The following CHCHD3 variants were observed in gnomAD, a reference collection of about 807,000 sequenced individuals.
CHCHD3 encodes coiled-coil-helix-coiled-coil-helix domain containing 3.
Under a neutral mutation model 38.2 loss-of-function variants are expected in CHCHD3, and 20 were observed. The observed-to-expected ratio is 0.52, with a 90% CI of 0.37 to 0.76. The LOEUF is 0.76. CHCHD3 is among the 30% of genes least tolerant of loss of function. The pLI is 0.00. For missense variants in CHCHD3, 245 were observed against 279.2 expected (o/e 0.88, Z 0.87); for synonymous variants, 82 against 100.0 (o/e 0.82, Z 1.07).
chr7:132,911,286 G>C (rs1809942163), intron 4 of CHCHD3, among the ~76,000 whole-genome samples: 1 of 152,100 alleles, frequency 6.6e-6, no homozygotes, highest in Admixed American at 6.6e-5. Context: ...GAGATGACTG[G>C]CCACCCCCAT....
chr7:132,865,848 T>C (rs1193270082), intron 5 of CHCHD3, among the ~76,000 whole-genome samples: 1 of 152,132 alleles, frequency 6.6e-6, no homozygotes, highest in Non-Finnish European at 1.5e-5. Context: ...GCTAACAGAC[T>C]TCAGATGTGC....
Position 132,985,058 on chromosome 7 carries a change from G to A in CHCHD3, c.252-9772C>T, listed in dbSNP as rs111361787. 3.0e-4 allele frequency among the ~76,000 whole-genome samples: 21 copies of A among 70,518 alleles called. 3 individuals carry two copies. The highest frequency in any genetic ancestry group is 5.6e-4 in the African/African-American group (11 of 19,522). 46.3% of individuals were successfully genotyped at this position (70,518 alleles called of 152,430 possible). The stretch of plus-strand genomic sequence containing the variant: ...AGCCCCCCGCCCGGCCAGCCGCCCC[G>A]TCCGGAAGGGAGGTGGGGGGGTTAG... On this transcript the variant is annotated intron_variant, in intron 3 of 7. Coordinates refer to ENST00000262570, the MANE Select transcript of CHCHD3 (RefSeq NM_017812.4).
chr7:132,949,463 C>T (rs79776528), intron 4 of CHCHD3, among the ~76,000 whole-genome samples: 3,209 of 152,254 alleles, frequency 0.021, 140 homozygotes, highest in African/African-American at 0.073. Context: ...ATCACAAGTT[C>T]CATCTTCTAA....
chr7:132,952,348 G>A (rs760354522), intron 4 of CHCHD3, among the ~76,000 whole-genome samples: 7 of 152,122 alleles, frequency 4.6e-5, no homozygotes, highest in Non-Finnish European at 7.4e-5. Context: ...TTTAATGACC[G>A]GCCAGACTTG....
chr7:132,974,509 G>A (rs912750667), intron 4 of CHCHD3, among the ~76,000 whole-genome samples: 3 of 152,202 alleles, frequency 2.0e-5, no homozygotes, highest in South Asian at 4.2e-4. Flanking sequence ...GTAGTTGCCA[G>A]CCACGAGAGA....
At chr7:132,829,598 G>A (rs994429705) in intron 6 of CHCHD3, among the ~76,000 whole-genome samples, 11 of 152,116 alleles carry the variant, frequency 7.2e-5, no homozygotes, top group African/African-American at 2.7e-4. Context: ...AAGATGCTTG[G>A]TGCAACACCA....
chr7:132,842,466 A>G (rs1349266157), intron 5 of CHCHD3, among the ~76,000 whole-genome samples: 2 of 152,226 alleles, frequency 1.3e-5, no homozygotes, highest in African/African-American at 2.4e-5. Context: ...CAATGTTACA[A>G]TAGTAGTAAC....
intron 4 of CHCHD3, among the ~76,000 whole-genome samples, chr7:132,944,796 C>T (rs1023800507): frequency 5.3e-5 from 8 of 151,916 alleles, no homozygotes; most frequent in African/African-American, 1.9e-4. Context: ...TCTACTGGTG[C>T]AAATTTTTGT....
chr7:132,812,557 A>G (rs1807100239), intron 6 of CHCHD3, among the ~76,000 whole-genome samples: 1 of 152,002 alleles, frequency 6.6e-6, no homozygotes, highest in Non-Finnish European at 1.5e-5. Flanking sequence ...AGTCTGAACC[A>G]CCATAACCAC....
chr7:132,845,648 T>C (rs2117107144), intron 5 of CHCHD3, among the ~76,000 whole-genome samples: 1 of 152,322 alleles, frequency 6.6e-6, no homozygotes, highest in East Asian at 1.9e-4. Flanking sequence ...CCCAAGGCCT[T>C]GCTTTTTACT....
chr7:133,081,765 C>G, intron 1 of CHCHD3, 92 bp downstream of exon 1: 1 of 1,307,158 alleles, frequency 7.7e-7, no homozygotes, highest in Non-Finnish European at 1.1e-6. Context: ...GGGTCCAGGA[C>G]GGGAGAAACC....
Position 133,035,961 on chromosome 7 carries a change from G to A in CHCHD3, c.170-11334C>T, listed in dbSNP as rs1360536659. Reference sequence around the variant, plus strand: ...AAAGGCTGGATCCAGTCTTAAAAGTGTTATCAGGTAGGGGTCCTTAGGGGA... The same window carrying A: ...AAAGGCTGGATCCAGTCTTAAAAGTATTATCAGGTAGGGGTCCTTAGGGGA... On this transcript the variant is annotated intron_variant, in intron 2 of 7. Transcript: ENST00000262570. This position sits in a 1 kb window ranked among gnomAD's most constrained non-coding sequence, Gnocchi z 4.7. The A allele has an allele frequency of 4.3e-6, 6 of 1,400,190 alleles. No homozygotes were observed. Among genetic ancestry groups the A allele is most frequent in the Non-Finnish European group, 6.0e-6 (6 of 1,001,404 alleles). The allele number at this position is 1,400,190 out of a possible 1,614,324, so 86.7% of individuals were successfully genotyped here.
intron 2 of CHCHD3, among the ~76,000 whole-genome samples, chr7:133,046,206 G>A (rs10215041): frequency 0.38 from 57,059 of 152,082 alleles, 10,956 homozygotes; most frequent in East Asian, 0.55. Flanking sequence ...TGATGAAGTA[G>A]TTCTTAACCT....
intron 4 of CHCHD3, among the ~76,000 whole-genome samples, chr7:132,949,893 G>A (rs1487700768): frequency 2.0e-5 from 3 of 152,114 alleles, no homozygotes; most frequent in Non-Finnish European, 4.4e-5. Flanking sequence ...GACACAAAAA[G>A]TAGACACAAG....
At chr7:132,876,882 T>G (rs1027454046) in intron 5 of CHCHD3, among the ~76,000 whole-genome samples, 1 of 152,206 alleles carries the variant, frequency 6.6e-6, no homozygotes, top group Non-Finnish European at 1.5e-5. Flanking sequence ...TTGATTTTAC[T>G]GAAAGCCCTG....
chr7:132,797,208 C>T (rs749697325), intron 6 of CHCHD3, among the ~76,000 whole-genome samples: 3 of 152,218 alleles, frequency 2.0e-5, no homozygotes, highest in Non-Finnish European at 2.9e-5. Context: ...CTGCACACAG[C>T]TGAAGCCTGG....
chr7:132,803,756 A>G (rs2117039944), intron 6 of CHCHD3, among the ~76,000 whole-genome samples: 1 of 150,810 alleles, frequency 6.6e-6, no homozygotes, highest in East Asian at 2.0e-4. Context: ...GAACTAGAGG[A>G]GAAAGGGAAG....
intron 4 of CHCHD3, among the ~76,000 whole-genome samples, chr7:132,896,568 C>A (rs1809505398): frequency 6.6e-6 from 1 of 152,176 alleles, no homozygotes; most frequent in Admixed American, 6.5e-5. Context: ...ACACTCGTCA[C>A]AATCCCCAAC....
chr7:133,040,097 T>C (rs1584665443), intron 2 of CHCHD3, among the ~76,000 whole-genome samples: 2 of 152,324 alleles, frequency 1.3e-5, no homozygotes, highest in Non-Finnish European at 2.9e-5. Flanking sequence ...TGTCCAACTC[T>C]ACCCTTTGTC....
Sources: gnomAD v4.1 joint callset for allele counts (sites outside exome capture counted in the v4.1 genomes callset) on GRCh38, gnomAD v4.1.1 for gene constraint, Gnocchi (gnomAD v3.1) non-coding constraint, MANE v1.5 for transcripts, NCBI Gene and HGNC (gene_info 2026-07-23, HGNC 2026-07-21) for gene names.